NCKAP5: variants seen among roughly 807,000 people sequenced by gnomAD.
NCKAP5 encodes NCK associated protein 5.
A neutral mutation model predicts 167.0 loss-of-function variants in NCKAP5; 92 were observed. That is an observed-to-expected ratio of 0.55 (90% confidence interval 0.47 to 0.66). The LOEUF (loss-of-function observed/expected upper bound fraction) is 0.66. NCKAP5 is among the 30% of genes least tolerant of loss of function. The pLI, the probability that NCKAP5 is intolerant of heterozygous loss-of-function variation, is 0.00. For synonymous variants in NCKAP5, 891 were observed against 877.4 expected, an observed-to-expected ratio of 1.02 and a Z score of -0.27; for missense variants, 2,378 against 2,315.0, an observed-to-expected ratio of 1.03 and a Z score of -0.56.
intron 4 of NCKAP5, among the ~76,000 whole-genome samples, chr2:133,243,314 A>G (rs1362729905): frequency 1.3e-5 from 2 of 152,216 alleles, no homozygotes; most frequent in Non-Finnish European, 2.9e-5. Context: ...TGAGATTCTC[A>G]AAACAAAGGA....
At chr2:132,991,147 T>A (rs1175992433) in intron 7 of NCKAP5, among the ~76,000 whole-genome samples, 1 of 152,148 alleles carries the variant, frequency 6.6e-6, no homozygotes, top group Non-Finnish European at 1.5e-5. Context: ...TGATTGTACA[T>A]CCTCAGGCAA....
At chr2:133,623,240 G>A in the NCKAP5 span, among the ~76,000 whole-genome samples, 1 of 152,140 alleles carries the variant, frequency 6.6e-6, no homozygotes, top group Non-Finnish European at 1.5e-5. Context: ...CATTGGCTTA[G>A]GCAAAGACTT....
chr2:132,705,609 C>T lies in NCKAP5; in HGVS notation c.5713+20018G>A, dbSNP rs111945514. On this transcript the variant is annotated intron_variant, in intron 19 of 19. Coordinates refer to ENST00000409261, the MANE Select transcript of NCKAP5 (RefSeq NM_207363.3). The stretch of plus-strand genomic sequence containing the variant: ...AAATGTAAGTTGCTTTGCAAAGCCC[C>T]AGTGGTATCAAATTCTGAATCATGA... 6.4e-3 allele frequency among the ~76,000 whole-genome samples: 975 copies of T among 151,986 alleles called. 9 individuals carry two copies. Among genetic ancestry groups the T allele is most frequent in the Non-Finnish European group, 7.8e-3 (530 of 67,994 alleles).
At chr2:133,642,553 A>C in the NCKAP5 span, among the ~76,000 whole-genome samples, 4 of 152,150 alleles carry the variant, frequency 2.6e-5, no homozygotes, top group Non-Finnish European at 4.4e-5. Context: ...ACCCTAAAAA[A>C]CTGGGGCTAG....
intron 8 of NCKAP5, among the ~76,000 whole-genome samples, chr2:132,912,858 A>G (rs1694561565): frequency 6.6e-6 from 1 of 152,146 alleles, no homozygotes; most frequent in African/African-American, 2.4e-5. Context: ...GTCTGGTTCT[A>G]GTGTTATTTC....
intron 2 of NCKAP5, among the ~76,000 whole-genome samples, chr2:133,533,404 AAGTGTGCAACC>A (rs1685516925): frequency 6.6e-6 from 1 of 152,218 alleles, no homozygotes; most frequent in African/African-American, 2.4e-5. Flanking sequence ...TATCTCTGAG[AAGTGTGCAACC>A]TATAGACTAC....
chr2:132,901,793 T>G (rs1364271683), intron 8 of NCKAP5, among the ~76,000 whole-genome samples: 1 of 152,228 alleles, frequency 6.6e-6, no homozygotes, highest in East Asian at 1.9e-4. Context: ...GCACTGTGCA[T>G]TAATTGCATG....
the NCKAP5 span, among the ~76,000 whole-genome samples, chr2:133,615,342 G>C: frequency 6.6e-6 from 1 of 151,244 alleles, no homozygotes; most frequent in African/African-American, 2.4e-5. Context: ...CCAATTAAAA[G>C]ACACAGACGG....
chr2:133,121,397 C>T (rs1339560613), intron 6 of NCKAP5, among the ~76,000 whole-genome samples: 4 of 151,970 alleles, frequency 2.6e-5, no homozygotes, highest in Non-Finnish European at 5.9e-5. Flanking sequence ...TAAGGTCACA[C>T]TAATAGCTTA....
chr2:133,614,443 G>A, the NCKAP5 span, among the ~76,000 whole-genome samples: 1 of 152,030 alleles, frequency 6.6e-6, no homozygotes, highest in South Asian at 2.1e-4. Context: ...CCAATACAGA[G>A]AAGTGCTTAA....
chr2:132,918,061 G>GTTTA (rs1261101908), intron 8 of NCKAP5, among the ~76,000 whole-genome samples: 1 of 152,138 alleles, frequency 6.6e-6, no homozygotes, highest in Non-Finnish European at 1.5e-5. Flanking sequence ...GATTTAATGA[G>GTTTA]TTTACCTTTT....
intron 3 of NCKAP5, among the ~76,000 whole-genome samples, chr2:133,453,264 T>C (rs1691658670): frequency 6.6e-6 from 1 of 152,114 alleles, no homozygotes; most frequent in Non-Finnish European, 1.5e-5. Flanking sequence ...AATAAATTCG[T>C]CATTTGTCCA....
chr2:133,105,562 C>T (rs1167515432), intron 6 of NCKAP5, among the ~76,000 whole-genome samples: 2 of 152,214 alleles, frequency 1.3e-5, no homozygotes, highest in African/African-American at 2.4e-5. Context: ...TGGCCTTCGT[C>T]TGTTTTTGCC....
intron 5 of NCKAP5, among the ~76,000 whole-genome samples, chr2:133,211,635 G>C (rs1029021980): frequency 5.3e-5 from 8 of 152,146 alleles, no homozygotes; most frequent in African/African-American, 1.9e-4. Flanking sequence ...TAGACTGTAA[G>C]CTGTCAGATT....
intron 8 of NCKAP5, among the ~76,000 whole-genome samples, chr2:132,908,105 A>G (rs1694151266): frequency 6.6e-6 from 1 of 152,032 alleles, no homozygotes; most frequent in East Asian, 1.9e-4. Context: ...TTTAGATTAG[A>G]TTTTCATTTC....
chr2:133,303,183 T>G, intron 3 of NCKAP5, 73 bp from the exon 4 acceptor site: 1 of 1,024,052 alleles, frequency 9.8e-7, no homozygotes. Context: ...TGACCTTATC[T>G]CTACAAGGAG....
intron 12 of NCKAP5, 111 bp downstream of exon 12, chr2:132,796,517 C>T: frequency 1.6e-6 from 1 of 614,718 alleles, no homozygotes; most frequent in Non-Finnish European, 2.9e-6. Context: ...GTATTTTTAT[C>T]TGCCTGACAA....
intron 11 of NCKAP5, among the ~76,000 whole-genome samples, chr2:132,837,181 T>C (rs744733): frequency 0.23 from 35,187 of 152,098 alleles, 4,188 homozygotes; most frequent in Middle Eastern, 0.36. Flanking sequence ...GTCCCCACCC[T>C]TGGGTAGCTT....
At chr2:133,668,022 A>C in the NCKAP5 span, among the ~76,000 whole-genome samples, 6 of 152,048 alleles carry the variant, frequency 3.9e-5, no homozygotes, top group Non-Finnish European at 7.3e-5. Flanking sequence ...TTTCACATGG[A>C]ATTATACAAT....
Sources: allele counts gnomAD v4.1 joint callset (sites outside exome capture counted in the v4.1 genomes callset), GRCh38; gene constraint gnomAD v4.1.1; transcripts MANE v1.5; gene names NCBI Gene and HGNC (gene_info 2026-07-23, HGNC 2026-07-21).